ESRRB: variants seen among roughly 807,000 people sequenced by gnomAD.
The protein encoded by ESRRB is estrogen related receptor beta.
ESRRB carries 16 observed loss-of-function variants against 46.0 expected under a neutral mutation model. The observed-to-expected ratio is 0.35, with a 90% CI of 0.24 to 0.53. The LOEUF (loss-of-function observed/expected upper bound fraction) is 0.53. Ranked by LOEUF, ESRRB falls within the 20% of genes least tolerant of loss-of-function variation. ESRRB has a pLI of 0.93. For synonymous variants in ESRRB, 246 were observed against 259.6 expected (o/e 0.95, Z 0.50); for missense variants, 488 against 607.4 (o/e 0.80, Z 2.07).
chr14:76,331,768 G>C (rs529154075), intron 1 of ESRRB, among the ~76,000 whole-genome samples: 24 of 151,748 alleles, frequency 1.6e-4, no homozygotes, highest in African/African-American at 5.6e-4. Context: ...TTTCTGCTTG[G>C]TTTGGGTTGG....
intron 1 of ESRRB, among the ~76,000 whole-genome samples, chr14:76,430,968 C>T (rs1013509843): frequency 2.6e-5 from 4 of 152,136 alleles, no homozygotes; most frequent in Admixed American, 1.3e-4. Context: ...AGCAGGCCAC[C>T]TAGTGTGGGA....
chr14:76,325,097 T>G (rs954497583), intron 1 of ESRRB, among the ~76,000 whole-genome samples: 1 of 151,462 alleles, frequency 6.6e-6, no homozygotes, highest in Admixed American at 6.6e-5. Flanking sequence ...CCCGAGTAGC[T>G]GGGATTACAG....
At chr14:76,354,224 G>GCC (rs1371208828) in intron 1 of ESRRB, among the ~76,000 whole-genome samples, 1,049 of 34,214 alleles carry the variant, frequency 0.031, 28 homozygotes, top group East Asian at 0.12. Context: ...TCCTCTACCC[G>GCC]CCCCCCCCCC....
intron 3 of ESRRB, among the ~76,000 whole-genome samples, chr14:76,464,110 T>TA (rs773323844): frequency 1.6e-4 from 24 of 152,200 alleles, no homozygotes; most frequent in Non-Finnish European, 2.8e-4. Flanking sequence ...TGAAAATTCT[T>TA]AGAGATCAAC....
chr14:76,500,031 C>T lies in ESRRB; in HGVS notation c.*1573C>T. On this transcript the variant is annotated 3_prime_UTR_variant, in exon 7 of 7. Coordinates refer to ENST00000644823, the MANE Select transcript of ESRRB (RefSeq NM_001379180.1). ...AACCCCCCTCAATGAGAGAGGCAGGCAGATCTCACCCAGCACTAGGACACC... is the reference window on the plus strand; with the variant it reads ...AACCCCCCTCAATGAGAGAGGCAGGTAGATCTCACCCAGCACTAGGACACC... 1.3e-6 allele frequency: 2 copies of T among 1,556,522 alleles called. No individual in the cohort carries two copies. The highest frequency in any genetic ancestry group is 1.4e-5 in the African/African-American group (1 of 73,444).
intron 3 of ESRRB, among the ~76,000 whole-genome samples, chr14:76,469,393 C>T (rs1889263059): frequency 6.6e-6 from 1 of 152,128 alleles, no homozygotes; most frequent in South Asian, 2.1e-4. Context: ...CCATGCCCAA[C>T]CCCTTACCAA....
At chr14:76,421,354 C>T (rs563530728) in intron 1 of ESRRB, among the ~76,000 whole-genome samples, 7 of 152,138 alleles carry the variant, frequency 4.6e-5, no homozygotes, top group South Asian at 4.2e-4. Context: ...TCTGGTGCCT[C>T]GATTGATTTT....
rs1369526035 is a variant in ESRRB at position 76,501,025 on chromosome 14, C to A, written c.*2567C>A. The A allele has an allele frequency of 4.2e-6, 2 of 479,770 alleles. No individual in the cohort carries two copies. The highest frequency in any genetic ancestry group is 7.6e-6 in the Non-Finnish European group (2 of 264,810). The allele number at this position is 479,770 out of a possible 1,614,324, so 29.7% of individuals were successfully genotyped here. ...AGCTGGAATCCTGGCCAGATGAGGA[C>A]CCTCTCCGGGGAAGGGAGAGGACTG... is the stretch of plus-strand genomic sequence containing the variant. On this transcript the variant is annotated 3_prime_UTR_variant, in exon 7 of 7. Transcript: ENST00000644823.
intron 1 of ESRRB, among the ~76,000 whole-genome samples, chr14:76,390,684 A>C (rs1443361151): frequency 6.6e-6 from 1 of 152,104 alleles, no homozygotes; most frequent in Admixed American, 6.5e-5. Flanking sequence ...TCTAGAGCAT[A>C]AGGTTCATGT....
chr14:76,447,964 G>A (rs1448805697), intron 2 of ESRRB, among the ~76,000 whole-genome samples: 5 of 152,274 alleles, frequency 3.3e-5, no homozygotes, highest in South Asian at 2.1e-4. Context: ...GGCCAAGGAC[G>A]CCCTCTGGGA....
intron 1 of ESRRB, among the ~76,000 whole-genome samples, chr14:76,346,889 C>G (rs940873849): frequency 6.6e-6 from 1 of 152,230 alleles, no homozygotes; most frequent in Non-Finnish European, 1.5e-5. Flanking sequence ...GATTTCCTGT[C>G]AGAGCTCATG....
chr14:76,488,505 C>G (rs781347886), intron 5 of ESRRB, among the ~76,000 whole-genome samples: 2 of 152,208 alleles, frequency 1.3e-5, no homozygotes, highest in Non-Finnish European at 2.9e-5. Context: ...GTCCAAAGAT[C>G]TTAGAGGGTC....
At chr14:76,425,492 G>A (rs1840696916) in intron 1 of ESRRB, among the ~76,000 whole-genome samples, 1 of 151,860 alleles carries the variant, frequency 6.6e-6, no homozygotes, top group African/African-American at 2.4e-5. Context: ...GCTGTGTGGG[G>A]GTTCTGCCTG....
intron 1 of ESRRB, among the ~76,000 whole-genome samples, chr14:76,356,347 C>T (rs971625221): frequency 2.0e-5 from 3 of 152,170 alleles, no homozygotes; most frequent in Non-Finnish European, 2.9e-5. Flanking sequence ...CTCCTATGAA[C>T]CCATTTAATC....
chr14:76,464,247 G>A (rs1304069416), intron 3 of ESRRB, among the ~76,000 whole-genome samples: 4 of 152,200 alleles, frequency 2.6e-5, no homozygotes, highest in Non-Finnish European at 5.9e-5. Flanking sequence ...CCTTCCTGGA[G>A]GGGGAAGGCT....
intron 1 of ESRRB, among the ~76,000 whole-genome samples, chr14:76,338,354 C>T (rs895837225): frequency 4.6e-5 from 7 of 152,196 alleles, no homozygotes; most frequent in Non-Finnish European, 1.0e-4. Context: ...GCCTGCTGCC[C>T]AGCCTCTCTG....
chr14:76,482,485 G>A lies in ESRRB; in HGVS notation c.689-113G>A. On this transcript the variant is annotated intron_variant, in intron 4 of 6. Transcript: ENST00000644823. This position sits in a 1 kb window ranked among gnomAD's most constrained non-coding sequence, Gnocchi z 4.3. Reference sequence around the variant, plus strand: ...CAGGAGGGGAGATTATAGCCGCTTTGACCTTCCTGGAGCTCTTAGGAACCC... The same window carrying A: ...CAGGAGGGGAGATTATAGCCGCTTTAACCTTCCTGGAGCTCTTAGGAACCC... 9.4e-7 allele frequency: 1 copy of A among 1,067,986 alleles called. No homozygotes were observed. The highest frequency in any genetic ancestry group is 1.4e-5 in the South Asian group (1 of 73,194). 66.2% of individuals were successfully genotyped at this position (1,067,986 alleles called of 1,614,324 possible). A position where few individuals can be genotyped will look rare whatever the true frequency, so the allele number is the denominator to read the frequency against.
At chr14:76,362,521 G>A (rs1293802573) in intron 1 of ESRRB, among the ~76,000 whole-genome samples, 2 of 152,174 alleles carry the variant, frequency 1.3e-5, no homozygotes, top group African/African-American at 2.4e-5. Flanking sequence ...TGGTAGCAAA[G>A]GACACCGAAC....
chr14:76,368,770 A>G (rs1884556674), upstream of ESRRB, among the ~76,000 whole-genome samples: 1 of 152,208 alleles, frequency 6.6e-6, no homozygotes, highest in Non-Finnish European at 1.5e-5. Context: ...TTCATGTAGA[A>G]TTGTACTGAC....
Sources: allele counts gnomAD v4.1 joint callset (sites outside exome capture counted in the v4.1 genomes callset), GRCh38; gene constraint gnomAD v4.1.1; non-coding constraint Gnocchi (gnomAD v3.1); transcripts MANE v1.5; gene names NCBI Gene and HGNC (gene_info 2026-07-23, HGNC 2026-07-21).